SLC4A8: variants seen among roughly 807,000 people sequenced by gnomAD.
SLC4A8 encodes electroneutral sodium bicarbonate exchanger 1.
In SLC4A8, 40 loss-of-function variants were observed where a neutral mutation model predicts 125.0. The ratio of observed to expected loss-of-function variants is 0.32; its 90% CI spans 0.25 to 0.42. SLC4A8 has a LOEUF of 0.42. SLC4A8 is among the 10% of genes least tolerant of loss of function. The probability of loss-of-function intolerance (pLI) is 1.00; values close to 1 mark genes in which losing one functional copy is unlikely to be tolerated. For synonymous variants in SLC4A8, 456 were observed against 476.0 expected (o/e 0.96, Z 0.55); for missense variants, 863 against 1,355.1 (o/e 0.64, Z 5.70).
intron 2 of SLC4A8, among the ~76,000 whole-genome samples, chr12:51,449,435 G>GA (rs57867396): frequency 0.38 from 54,382 of 144,470 alleles, 10,076 homozygotes; most frequent in East Asian, 0.45. Flanking sequence ...AAAAAGAAAG[G>GA]AAAAAAAAAA....
In SLC4A8 at chr12:51,447,068, GTCTA is replaced by G. The variant is rs71089801; in HGVS notation, c.131-3787_131-3784del. 6.7e-5 allele frequency among the ~76,000 whole-genome samples: 10 copies of G among 149,394 alleles called. No individual in the cohort carries two copies. In the South Asian group the frequency reaches 1.3e-3, roughly 19 times the overall value. ...TGTCTGTCTGTCTGTCTATCTATCT[GTCTA>G]TCTATCTATCTATCTATCTAGAGAT... On this transcript the variant is annotated intron_variant, in intron 2 of 24. Transcript: ENST00000453097.
chr12:51,433,279 T>C (rs1229934209), intron 1 of SLC4A8, among the ~76,000 whole-genome samples: 5 of 152,252 alleles, frequency 3.3e-5, no homozygotes, highest in African/African-American at 1.2e-4. Flanking sequence ...TAGTTCTTTT[T>C]ATCTATCTAG....
intron 1 of SLC4A8, among the ~76,000 whole-genome samples, chr12:51,414,477 G>A (rs1316071350): frequency 1.3e-5 from 2 of 152,188 alleles, no homozygotes; most frequent in African/African-American, 4.8e-5. Flanking sequence ...TGGGCCGGAT[G>A]TAGTGGCTTA....
At position 51,416,665 on chromosome 12, in the gene SLC4A8, G is replaced by A. The variant is rs539204802; in HGVS notation, c.-111-24043G>A. ...CTCAAAACAAAACAAAACAAAACAA[G>A]GACAATGAACATCTGTAAAGCTTCC... is the stretch of plus-strand genomic sequence containing the variant. On this transcript the variant is annotated intron_variant, in intron 1 of 24. Transcript: ENST00000358657. Among the ~76,000 whole-genome samples the A allele has an allele frequency of 1.1e-4, 16 of 149,456 alleles. No individual in the cohort carries two copies. In the South Asian group the frequency reaches 1.7e-3, roughly 16 times the overall value.
At chr12:51,479,923 C>T (rs1199932250) in intron 16 of SLC4A8, 4 of 383,298 alleles carry the variant, frequency 1.0e-5, no homozygotes, top group African/African-American at 2.2e-5. Context: ...TTCTGTCTCA[C>T]GAAACAGAGG....
At chr12:51,439,360 C>T (rs1949520679) in intron 1 of SLC4A8, among the ~76,000 whole-genome samples, 1 of 152,038 alleles carries the variant, frequency 6.6e-6, no homozygotes, top group African/African-American at 2.4e-5. Context: ...CCGGCCAAGA[C>T]ATTTTATTAC....
At chr12:51,451,159 GA>G in intron 3 of SLC4A8, 137 bp downstream of exon 3, 2 of 838,172 alleles carry the variant, frequency 2.4e-6, no homozygotes, top group Non-Finnish European at 3.4e-6. Context: ...CTTCTAAGAA[GA>G]AATGCCTCTA....
At chr12:51,425,654 C>T (rs1348785045) in intron 1 of SLC4A8, among the ~76,000 whole-genome samples, 2 of 152,088 alleles carry the variant, frequency 1.3e-5, no homozygotes, top group South Asian at 2.1e-4. Flanking sequence ...AATTAAAAAA[C>T]CAAGGTTAAG....
chr12:51,465,494 A>G (rs1000469787), intron 11 of SLC4A8, among the ~76,000 whole-genome samples: 3 of 152,202 alleles, frequency 2.0e-5, no homozygotes, highest in Admixed American at 1.3e-4. Flanking sequence ...GATGTCCCCA[A>G]GAAAATCCCA....
intron 1 of SLC4A8, among the ~76,000 whole-genome samples, chr12:51,394,674 CG>C (rs761827032): frequency 8.5e-5 from 13 of 152,172 alleles, no homozygotes; most frequent in Non-Finnish European, 1.9e-4. Context: ...ACAACAGGCA[CG>C]GGGGCCCACT....
In SLC4A8 at chr12:51,458,637, T is replaced by C. The variant is rs1439642571; in HGVS notation, c.842T>C (p.Val281Ala). Residue 281 changes from valine (V) to alanine (A), a missense_variant, in exon 7 of 25, where the codon GTG (valine) becomes GCG (alanine). Val to Ala is a moderately conservative substitution (Grantham distance 64, BLOSUM62 0). Coordinates refer to ENST00000453097, the MANE Select transcript of SLC4A8 (RefSeq NM_001039960.3). ...KNGVNCEHSP[V>A]DLSKVDLHFM... Reference sequence around the variant, plus strand: ...GGAGTGAATTGTGAACATAGTCCTGTGGATTTAAGCAAGGTGAGCAGAGTG... The same window carrying C: ...GGAGTGAATTGTGAACATAGTCCTGCGGATTTAAGCAAGGTGAGCAGAGTG... 1 of 1,613,100 alleles carries C rather than the reference T, an allele frequency of 6.2e-7. No individual in the cohort carries two copies. The highest frequency in any genetic ancestry group is 1.1e-5 in the South Asian group (1 of 91,054).
chr12:51,470,310 A>T lies in SLC4A8; in HGVS notation c.1525-82A>T, dbSNP rs182593707. On this transcript the variant is annotated intron_variant, in intron 12 of 24. Coordinates refer to ENST00000453097, the MANE Select transcript of SLC4A8 (RefSeq NM_001039960.3). ...AAATGGCCATCAAGGCACACAGGAG[A>T]GCAAAGTCAGGAATGTAGCTAAGCC... is the stretch of plus-strand genomic sequence containing the variant. 1.0e-5 allele frequency: 14 copies of T among 1,362,042 alleles called. No individual in the cohort carries two copies. In the African/African-American group the frequency reaches 1.7e-4, roughly 17 times the overall value. 84.4% of individuals were successfully genotyped at this position (1,362,042 alleles called of 1,614,324 possible). A position where few individuals can be genotyped will look rare whatever the true frequency, so the allele number is the denominator to read the frequency against.
intron 1 of SLC4A8, among the ~76,000 whole-genome samples, chr12:51,433,610 C>CT (rs1949267409): frequency 6.6e-6 from 1 of 152,082 alleles, no homozygotes; most frequent in African/African-American, 2.4e-5. Context: ...ATTGAGAGAT[C>CT]TTTTTTGCCA....
intron 1 of SLC4A8, among the ~76,000 whole-genome samples, chr12:51,401,146 T>C (rs916305495): frequency 6.6e-6 from 1 of 152,144 alleles, no homozygotes; most frequent in Non-Finnish European, 1.5e-5. Context: ...AGCGTTCCTC[T>C]GTCGCCAGTT....
intron 22 of SLC4A8, 38 bp from the exon 23 acceptor site, chr12:51,503,991 C>A: frequency 1.7e-6 from 2 of 1,204,476 alleles, no homozygotes; most frequent in Non-Finnish European, 1.2e-6. Context: ...TATGGTCTTA[C>A]TTGGTCCAAG....
intron 22 of SLC4A8, among the ~76,000 whole-genome samples, chr12:51,499,428 T>C (rs1937742942): frequency 6.6e-6 from 1 of 151,920 alleles, no homozygotes. Context: ...GTTGGTAAGA[T>C]TATACATTTT....
In SLC4A8 at chr12:51,471,510, C is replaced by T; in HGVS notation, c.1882C>T (p.Leu628=). ...CTACCCCATCCACATGCACAGCCAG[C>T]TGGACCACCTTAGCCTCTATTAGTA... is the stretch of plus-strand genomic sequence containing the variant. ...ETYPIHMHSQ[L]DHLSLYYCRC... is the part of the protein sequence containing the mutation. Residue 628 remains leucine, a synonymous_variant, in exon 14 of 25, where the codon CTG becomes TTG. Coordinates refer to ENST00000453097, the MANE Select transcript of SLC4A8 (RefSeq NM_001039960.3). 1 of 1,614,070 alleles carries T rather than the reference C, an allele frequency of 6.2e-7. No homozygotes were observed. Among genetic ancestry groups the T allele is most frequent in the Non-Finnish European group, 8.5e-7 (1 of 1,179,956 alleles).
chr12:51,475,033 T>C lies in SLC4A8; in HGVS notation c.2011-12T>C. 1 of 1,612,598 alleles carries C rather than the reference T, an allele frequency of 6.2e-7. No individual in the cohort carries two copies. The highest frequency in any genetic ancestry group is 8.5e-7 in the Non-Finnish European group (1 of 1,179,132). On this transcript the variant is annotated splice_polypyrimidine_tract_variant and intron_variant, in intron 15 of 24. Transcript: ENST00000453097. ...GTCTGCCTTTCATCACCCAGAATGC[T>C]TATTCCTCCAGGAATGCCAGGAGAT...
At chr12:51,427,706 GTGTAACTTGA>G (rs1949043078) in intron 1 of SLC4A8, among the ~76,000 whole-genome samples, 1 of 152,186 alleles carries the variant, frequency 6.6e-6, no homozygotes, top group African/African-American at 2.4e-5. Context: ...TGAGCAGATT[GTGTAACTTGA>G]TGTAAACAGA....
Sources: allele counts gnomAD v4.1 joint callset (sites outside exome capture counted in the v4.1 genomes callset), GRCh38; gene constraint gnomAD v4.1.1; transcripts MANE v1.5; gene names NCBI Gene and HGNC (gene_info 2026-07-23, HGNC 2026-07-21).